Variants in WWC1 observed in about 807,000 individuals in gnomAD.
WWC1 encodes the protein WW and C2 domain containing 1.
WWC1 carries 55 observed loss-of-function variants against 138.4 expected under a neutral mutation model. The ratio of observed to expected loss-of-function variants is 0.40; its 90% CI spans 0.32 to 0.50. The LOEUF (loss-of-function observed/expected upper bound fraction) is 0.50. Among genes scored for constraint, WWC1 ranks in the 20% least tolerant of loss-of-function variants. The pLI, the probability that WWC1 is intolerant of heterozygous loss-of-function variation, is 0.72. For synonymous variants in WWC1, 524 were observed against 564.9 expected, an observed-to-expected ratio of 0.93 and a Z score of 1.03; for missense variants, 1,226 against 1,420.4, an observed-to-expected ratio of 0.86 and a Z score of 2.20.
At chr5:168,427,059 C>T (rs1431071754) in intron 11 of WWC1, among the ~76,000 whole-genome samples, 1 of 152,164 alleles carries the variant, frequency 6.6e-6, no homozygotes, top group Non-Finnish European at 1.5e-5. Flanking sequence ...GAGCTGAATT[C>T]GGAGTGGAAA....
intron 1 of WWC1, among the ~76,000 whole-genome samples, chr5:168,358,636 G>C (rs761587272): frequency 4.6e-5 from 7 of 152,156 alleles, no homozygotes; most frequent in Non-Finnish European, 7.3e-5. Context: ...ATAAAATGGA[G>C]CTAATAATAC....
chr5:168,424,192 T>G, intron 11 of WWC1, 124 bp downstream of exon 11: 1 of 1,213,858 alleles, frequency 8.2e-7, no homozygotes, highest in East Asian at 2.5e-5. Flanking sequence ...TGGGTCTTTG[T>G]ATGGCAAGTA....
At chr5:168,379,251 C>T (rs1455485958) in intron 2 of WWC1, among the ~76,000 whole-genome samples, 1 of 152,014 alleles carries the variant, frequency 6.6e-6, no homozygotes, top group Non-Finnish European at 1.5e-5. Context: ...GTAGTAGTGG[C>T]CAAGATGATC....
chr5:168,360,578 T>G (rs6873727), intron 1 of WWC1, among the ~76,000 whole-genome samples: 71,980 of 152,042 alleles, frequency 0.47, 17,986 homozygotes, highest in Non-Finnish European at 0.56. Flanking sequence ...AGAGGGTGCC[T>G]TAGGGGTGTT....
chr5:168,463,665 G>T (rs771987199), intron 20 of WWC1, among the ~76,000 whole-genome samples: 1 of 152,160 alleles, frequency 6.6e-6, no homozygotes, highest in Non-Finnish European at 1.5e-5. Flanking sequence ...GTATTAATCA[G>T]GGTCTTTTAC....
intron 2 of WWC1, among the ~76,000 whole-genome samples, chr5:168,379,304 T>C (rs1315420066): frequency 2.0e-5 from 3 of 152,188 alleles, no homozygotes; most frequent in Admixed American, 2.0e-4. Context: ...TTTGGTAAGA[T>C]GGACTTGAGG....
At chr5:168,449,919 G>A (rs1302988731) in intron 17 of WWC1, among the ~76,000 whole-genome samples, 3 of 152,192 alleles carry the variant, frequency 2.0e-5, no homozygotes, top group Non-Finnish European at 4.4e-5. Context: ...GGGCCAAGGA[G>A]GAGAGCCAAG....
chr5:168,372,591 T>C (rs1026708737), intron 2 of WWC1, among the ~76,000 whole-genome samples: 3 of 152,232 alleles, frequency 2.0e-5, no homozygotes, highest in African/African-American at 7.2e-5. Flanking sequence ...TCCCAATTCC[T>C]GGTGGGATGT....
chr5:168,448,209 T>G (rs971860044), intron 17 of WWC1, among the ~76,000 whole-genome samples: 1 of 152,144 alleles, frequency 6.6e-6, no homozygotes, highest in Non-Finnish European at 1.5e-5. Flanking sequence ...AAGCCTCTCT[T>G]GGTCCTGGGA....
chr5:168,398,043 C>T (rs1311629319), intron 4 of WWC1, among the ~76,000 whole-genome samples: 1 of 151,966 alleles, frequency 6.6e-6, no homozygotes, highest in East Asian at 1.9e-4. Flanking sequence ...TGTATTATCT[C>T]GTGTCTATGA....
intron 13 of WWC1, among the ~76,000 whole-genome samples, chr5:168,429,857 C>A (rs1561754369): frequency 6.6e-6 from 1 of 152,060 alleles, no homozygotes; most frequent in Non-Finnish European, 1.5e-5. Context: ...ATCACCTGAG[C>A]CTGGGAGGTC....
chr5:168,365,070 A>T (rs965605658), intron 1 of WWC1, among the ~76,000 whole-genome samples: 6 of 152,204 alleles, frequency 3.9e-5, no homozygotes, highest in Non-Finnish European at 8.8e-5. Flanking sequence ...AGGACTTCAA[A>T]CGTTGCCTTT....
At chr5:168,438,937 G>T (rs962817248) in intron 15 of WWC1, among the ~76,000 whole-genome samples, 2 of 152,080 alleles carry the variant, frequency 1.3e-5, no homozygotes, top group Admixed American at 6.6e-5. Flanking sequence ...TGTATGGAAA[G>T]GTTTACTGAA....
intron 2 of WWC1, among the ~76,000 whole-genome samples, chr5:168,378,849 A>G (rs555207562): frequency 1.8e-4 from 27 of 152,312 alleles, no homozygotes; most frequent in African/African-American, 5.3e-4. Context: ...TATTCTCCAG[A>G]TGTTTTTAAG....
intron 1 of WWC1, among the ~76,000 whole-genome samples, chr5:168,321,291 G>T (rs1264090782): frequency 1.3e-5 from 2 of 152,158 alleles, no homozygotes; most frequent in Non-Finnish European, 2.9e-5. Flanking sequence ...TTTTTCTAGA[G>T]GAGATGCCAT....
chr5:168,342,372 T>G (rs1485824324), intron 1 of WWC1, among the ~76,000 whole-genome samples: 1 of 152,168 alleles, frequency 6.6e-6, no homozygotes. Flanking sequence ...AGGCAGGCAC[T>G]TGGCTGGATC....
At chr5:168,397,889 C>G (rs1779021043) in intron 4 of WWC1, 89 bp downstream of exon 4, 3 of 1,426,740 alleles carry the variant, frequency 2.1e-6, no homozygotes, top group Non-Finnish European at 3.0e-6. Context: ...AGAACAGATG[C>G]TCCAGCCAGG....
chr5:168,370,917 G>T (rs937261655), intron 1 of WWC1, among the ~76,000 whole-genome samples: 2 of 152,208 alleles, frequency 1.3e-5, no homozygotes, highest in Admixed American at 6.5e-5. Context: ...AACTCACAGG[G>T]ATGGAACATC....
At chr5:168,325,717 G>C (rs1027947348) in intron 1 of WWC1, among the ~76,000 whole-genome samples, 1 of 152,036 alleles carries the variant, frequency 6.6e-6, no homozygotes, top group African/African-American at 2.4e-5. Context: ...AGAGTTTAGT[G>C]CATTAATTAT....
Sources: gnomAD v4.1 joint callset for allele counts (sites outside exome capture counted in the v4.1 genomes callset) on GRCh38, gnomAD v4.1.1 for gene constraint, MANE v1.5 for transcripts, NCBI Gene and HGNC (gene_info 2026-07-23, HGNC 2026-07-21) for gene names.